The following PIK3AP1 variants were observed in gnomAD, a reference collection of about 807,000 sequenced individuals.
The protein encoded by PIK3AP1 is phosphoinositide 3-kinase adapter protein 1.
In PIK3AP1, 21 loss-of-function variants were observed where a neutral mutation model predicts 88.1. The observed-to-expected ratio is 0.24, with a 90% CI of 0.17 to 0.34. The LOEUF is 0.34. Among genes scored for constraint, PIK3AP1 ranks in the 10% least tolerant of loss-of-function variants. The pLI is 1.00. For synonymous variants in PIK3AP1, 398 were observed against 400.0 expected (o/e 1.00, Z 0.06); for missense variants, 828 against 1,035.7 (o/e 0.80, Z 2.75).
At chr10:96,697,976 T>C (rs1844243973) in intron 2 of PIK3AP1, among the ~76,000 whole-genome samples, 2 of 152,264 alleles carry the variant, frequency 1.3e-5, no homozygotes, top group South Asian at 4.1e-4. Flanking sequence ...TTATAAATCC[T>C]GGCAGACTTT....
At chr10:96,689,063 G>A (rs2134271755) in intron 2 of PIK3AP1, among the ~76,000 whole-genome samples, 1 of 152,218 alleles carries the variant, frequency 6.6e-6, no homozygotes, top group Admixed American at 6.5e-5. Flanking sequence ...AAATGGGTAA[G>A]GCTCTTACCA....
At chr10:96,702,757 TTTTA>T (rs1364206761) in intron 2 of PIK3AP1, among the ~76,000 whole-genome samples, 1 of 152,218 alleles carries the variant, frequency 6.6e-6, no homozygotes, top group Non-Finnish European at 1.5e-5. Flanking sequence ...TATATACAAT[TTTTA>T]TTTGTCAAGT....
chr10:96,600,062 A>G (rs1047921630), intron 16 of PIK3AP1, among the ~76,000 whole-genome samples: 6 of 152,096 alleles, frequency 3.9e-5, no homozygotes, highest in African/African-American at 1.4e-4. Flanking sequence ...CAATTAGACA[A>G]CTGCTTCCAA....
chr10:96,677,617 AC>A, intron 2 of PIK3AP1, among the ~76,000 whole-genome samples: 1 of 151,690 alleles, frequency 6.6e-6, no homozygotes, highest in African/African-American at 2.4e-5. Flanking sequence ...ACACACACAC[AC>A]ACACACACAA....
At position 96,683,372 on chromosome 10, in the gene PIK3AP1, T is replaced by C. The variant is rs17112054; in HGVS notation, c.430+26195A>G. ...AGGAGTCTAAATGTTTCTCACTCTA[T>C]GAGTACAATGCTGTAAGAGAGGCCT... is the stretch of plus-strand genomic sequence containing the variant. On this transcript the variant is annotated intron_variant, in intron 2 of 16. Transcript: ENST00000339364. 8.6e-3 allele frequency among the ~76,000 whole-genome samples: 1,309 copies of C among 152,328 alleles called. 14 individuals are homozygous for C. The highest frequency in any genetic ancestry group is 0.032 in the South Asian group (154 of 4,828).
At chr10:96,673,599 G>A (rs1034654324) in intron 2 of PIK3AP1, among the ~76,000 whole-genome samples, 1 of 152,140 alleles carries the variant, frequency 6.6e-6, no homozygotes, top group African/African-American at 2.4e-5. Flanking sequence ...ACGCAGGCTT[G>A]TCATGAGGCC....
chr10:96,710,320 C>T (rs1050229089), intron 1 of PIK3AP1, among the ~76,000 whole-genome samples: 1 of 152,162 alleles, frequency 6.6e-6, no homozygotes, highest in African/African-American at 2.4e-5. Context: ...CTCCCGGGTT[C>T]AAGCGATTCT....
intron 2 of PIK3AP1, among the ~76,000 whole-genome samples, chr10:96,686,041 C>G (rs527279198): frequency 5.7e-4 from 87 of 152,310 alleles, no homozygotes; most frequent in Middle Eastern, 3.4e-3. Flanking sequence ...AGTGGGAGGG[C>G]AGCAGAAGCA....
chr10:96,652,787 G>A lies in PIK3AP1; in HGVS notation c.623C>T (p.Thr208Ile), dbSNP rs1292964771. 3 of 1,614,010 alleles carry A rather than the reference G, an allele frequency of 1.9e-6. No individual in the cohort carries two copies. The South Asian group carries it at 3.3e-5, about 18-fold the overall frequency. Residue 208 changes from threonine to isoleucine, a missense_variant, in exon 4 of 17, where the codon ACA (threonine) becomes ATA (isoleucine). Transcript: ENST00000339364. Reference protein sequence around the residue: ...VRCKLDDRVATEAEFSPEDSP... With the variant: ...VRCKLDDRVAIEAEFSPEDSP... ...ATCCTCAGGAGAAAACTCTGCTTCT[G>A]TCGCCACCCTGTCATCCAGCTTACA...
At chr10:96,628,895 T>TATATATATAC (rs1843195331) in intron 8 of PIK3AP1, among the ~76,000 whole-genome samples, 1 of 29,420 alleles carries the variant, frequency 3.4e-5, no homozygotes, top group Non-Finnish European at 7.8e-5. Flanking sequence ...TATACATATA[T>TATATATATAC]ATATATATAT....
intron 1 of PIK3AP1, among the ~76,000 whole-genome samples, chr10:96,716,740 C>A (rs947221358): frequency 4.6e-5 from 7 of 151,386 alleles, no homozygotes; most frequent in Admixed American, 3.3e-4. Flanking sequence ...TTTTTTTTTG[C>A]TTGTTCATTT....
intron 1 of PIK3AP1, among the ~76,000 whole-genome samples, chr10:96,712,043 C>T (rs1479814484): frequency 2.6e-5 from 4 of 151,970 alleles, no homozygotes; most frequent in African/African-American, 4.8e-5. Flanking sequence ...CGTGAGCCAC[C>T]GCACCCGGCC....
chr10:96,635,829 C>T (rs1054991150), intron 8 of PIK3AP1, among the ~76,000 whole-genome samples: 6 of 152,094 alleles, frequency 3.9e-5, no homozygotes, highest in African/African-American at 1.4e-4. Flanking sequence ...TGCTTGAACC[C>T]AGGAGACAGA....
intron 2 of PIK3AP1, among the ~76,000 whole-genome samples, chr10:96,661,434 T>C (rs1370577357): frequency 6.6e-6 from 1 of 152,202 alleles, no homozygotes; most frequent in Non-Finnish European, 1.5e-5. Flanking sequence ...ATATAAACTC[T>C]GGCCTTCGGG....
intron 8 of PIK3AP1, among the ~76,000 whole-genome samples, chr10:96,629,294 A>T (rs1013945163): frequency 1.3e-5 from 2 of 152,108 alleles, no homozygotes; most frequent in African/African-American, 2.4e-5. Flanking sequence ...TAAACACACA[A>T]ATATGCTGGG....
At chr10:96,719,942 T>C (rs933483575) in intron 1 of PIK3AP1, among the ~76,000 whole-genome samples, 11 of 152,246 alleles carry the variant, frequency 7.2e-5, no homozygotes, top group African/African-American at 1.7e-4. Context: ...CCGGCTGATC[T>C]CTCCGCACCA....
At chr10:96,601,324 A>C (rs567142041) in intron 16 of PIK3AP1, among the ~76,000 whole-genome samples, 22 of 151,958 alleles carry the variant, frequency 1.4e-4, no homozygotes, top group Non-Finnish European at 2.6e-4. Flanking sequence ...AAACACAAAA[A>C]TTAGCCAGGC....
chr10:96,681,282 A>G (rs1487130817), intron 2 of PIK3AP1, among the ~76,000 whole-genome samples: 1 of 152,184 alleles, frequency 6.6e-6, no homozygotes, highest in Non-Finnish European at 1.5e-5. Context: ...TACCTTTTTA[A>G]AAACTCTATC....
intron 7 of PIK3AP1, among the ~76,000 whole-genome samples, chr10:96,647,977 T>C (rs1344811147): frequency 6.6e-6 from 1 of 152,068 alleles, no homozygotes; most frequent in African/African-American, 2.4e-5. Flanking sequence ...AAGTCAATGT[T>C]TGAGGAGGAG....
Sources: allele counts gnomAD v4.1 joint callset (sites outside exome capture counted in the v4.1 genomes callset), GRCh38; gene constraint gnomAD v4.1.1; transcripts MANE v1.5; gene names NCBI Gene and HGNC (gene_info 2026-07-23, HGNC 2026-07-21).